METTL15: variants seen among roughly 807,000 people sequenced by gnomAD.
METTL15 encodes 12S rRNA N(4)-cytidine methyltransferase METTL15.
In METTL15, 34 loss-of-function variants were observed where a neutral mutation model predicts 38.3. The ratio of observed to expected loss-of-function variants is 0.89; its 90% CI spans 0.68 to 1.18. METTL15 has a LOEUF of 1.18. METTL15 is among the 50% of genes most tolerant of loss of function. METTL15 has a pLI of 0.00. For missense variants in METTL15, 438 were observed against 498.4 expected, an observed-to-expected ratio of 0.88 and a Z score of 1.15; for synonymous variants, 162 against 170.9, an observed-to-expected ratio of 0.95 and a Z score of 0.41.
At chr11:28,198,949 A>G (rs141135385) in intron 3 of METTL15, among the ~76,000 whole-genome samples, 96 of 151,664 alleles carry the variant, frequency 6.3e-4, no homozygotes, top group African/African-American at 2.2e-3. Context: ...GCAATTACAA[A>G]CATTTCAGGG....
intron 6 of METTL15, among the ~76,000 whole-genome samples, chr11:28,490,671 G>A (rs1851487059): frequency 6.6e-6 from 1 of 152,024 alleles, no homozygotes; most frequent in Non-Finnish European, 1.5e-5. Context: ...TACATTTTGA[G>A]AGGAAAACCT....
intron 4 of METTL15, among the ~76,000 whole-genome samples, chr11:28,248,294 G>C (rs1854596313): frequency 1.3e-5 from 2 of 152,164 alleles, no homozygotes; most frequent in Admixed American, 6.6e-5. Context: ...AGCTCCATCA[G>C]AATTTCCCCT....
At chr11:28,139,780 A>G (rs1429780139) in intron 3 of METTL15, among the ~76,000 whole-genome samples, 3 of 152,154 alleles carry the variant, frequency 2.0e-5, no homozygotes, top group African/African-American at 4.8e-5. Flanking sequence ...ACTCTTGCAT[A>G]GAAAAGCTCC....
At chr11:28,386,754 A>C (rs921203123) in intron 5 of METTL15, among the ~76,000 whole-genome samples, 4 of 152,026 alleles carry the variant, frequency 2.6e-5, no homozygotes, top group African/African-American at 9.7e-5. Flanking sequence ...ATAGCAACAC[A>C]TTGTACATTC....
At chr11:28,328,249 T>C in intron 6 of METTL15, 1 of 1,285,472 alleles carries the variant, frequency 7.8e-7, no homozygotes, top group Non-Finnish European at 1.1e-6. Flanking sequence ...AATCCCCTAG[T>C]GTCTAACATT....
intron 6 of METTL15, among the ~76,000 whole-genome samples, chr11:28,471,850 T>G (rs1469024852): frequency 2.0e-5 from 3 of 152,098 alleles, no homozygotes; most frequent in Non-Finnish European, 2.9e-5. Flanking sequence ...CTGGCTGGAT[T>G]CTATGCTAAT....
At chr11:28,124,791 G>A (rs1420994640) in intron 3 of METTL15, among the ~76,000 whole-genome samples, 1 of 151,964 alleles carries the variant, frequency 6.6e-6, no homozygotes, top group Admixed American at 6.6e-5. Context: ...GCAGAAATAT[G>A]AAAGAATTAA....
At chr11:28,239,996 A>G (rs1229111538) in intron 4 of METTL15, among the ~76,000 whole-genome samples, 5 of 152,154 alleles carry the variant, frequency 3.3e-5, no homozygotes, top group African/African-American at 4.8e-5. Context: ...TCTAATACCT[A>G]TAACAGTTGC....
At chr11:28,176,226 C>A (rs1015366652) in intron 3 of METTL15, among the ~76,000 whole-genome samples, 1 of 152,108 alleles carries the variant, frequency 6.6e-6, no homozygotes, top group South Asian at 2.1e-4. Flanking sequence ...CTCCTGTAAT[C>A]CTGCTGTTAA....
intron 4 of METTL15, among the ~76,000 whole-genome samples, chr11:28,356,574 C>A: frequency 6.6e-6 from 1 of 152,174 alleles, no homozygotes; most frequent in East Asian, 1.9e-4. Flanking sequence ...AGAAAGAAAG[C>A]CAAGCCAGGT....
intron 3 of METTL15, among the ~76,000 whole-genome samples, chr11:28,159,682 G>A (rs1021977185): frequency 6.6e-6 from 1 of 152,152 alleles, no homozygotes; most frequent in Non-Finnish European, 1.5e-5. Context: ...TTTATCATGT[G>A]ACATAAGATT....
rs1590354505 is a variant in METTL15, at chr11:28,383,774, G to A, written c.*358+21738G>A. Among the ~76,000 whole-genome samples, 9 of 152,138 alleles carry A rather than the reference G, an allele frequency of 5.9e-5. No individual in the cohort carries two copies. In the South Asian group the frequency reaches 1.9e-3, roughly 32 times the overall value. On this transcript the variant is annotated intron_variant and NMD_transcript_variant, in intron 5 of 7. Transcript: ENST00000532947. ...ATGTGTATGTCTTCTTTTCAAAAGT[G>A]TCTATTAGTGTCCTTTGACCACTTT...
intron 4 of METTL15, among the ~76,000 whole-genome samples, chr11:28,260,551 G>T (rs541587999): frequency 2.0e-5 from 3 of 152,128 alleles, no homozygotes; most frequent in Non-Finnish European, 4.4e-5. Flanking sequence ...TATGGTAAGT[G>T]ATCAACAACT....
At chr11:28,329,134 G>C (rs1849734809) in intron 6 of METTL15, among the ~76,000 whole-genome samples, 1 of 152,012 alleles carries the variant, frequency 6.6e-6, no homozygotes, top group African/African-American at 2.4e-5. Context: ...GTTTGTTTTT[G>C]TATATGATGT....
rs1178690708 is a variant in METTL15 at position 28,207,073 on chromosome 11, T to C, written c.271-3989T>C. ...CTGCAAACAGGGACAATTTGACTTC[T>C]TCTTTTCCTAATTGAATACCTTTTA... On this transcript the variant is annotated intron_variant, in intron 3 of 6. Transcript: ENST00000407364. 2.8e-5 allele frequency among the ~76,000 whole-genome samples: 4 copies of C among 144,840 alleles called. No homozygotes were observed. In the East Asian group the frequency reaches 9.0e-4, roughly 32 times the overall value.
chr11:28,127,010 T>C (rs1852516794), intron 3 of METTL15, among the ~76,000 whole-genome samples: 1 of 152,092 alleles, frequency 6.6e-6, no homozygotes, highest in African/African-American at 2.4e-5. Flanking sequence ...AAAAGTTCTG[T>C]GCTGGGAAGG....
At chr11:28,375,348 G>A (rs1564911048) in intron 5 of METTL15, among the ~76,000 whole-genome samples, 2 of 151,746 alleles carry the variant, frequency 1.3e-5, no homozygotes, top group African/African-American at 4.8e-5. Context: ...TTCAGAGCCT[G>A]TTATTGGTCT....
chr11:28,128,633 G>A (rs1217930098), intron 3 of METTL15, among the ~76,000 whole-genome samples: 1 of 151,964 alleles, frequency 6.6e-6, no homozygotes, highest in African/African-American at 2.4e-5. Flanking sequence ...GCAATGTTTT[G>A]CGTAAAAGTT....
intron 6 of METTL15, among the ~76,000 whole-genome samples, chr11:28,434,620 G>A (rs1850965326): frequency 6.6e-6 from 1 of 152,164 alleles, no homozygotes; most frequent in Non-Finnish European, 1.5e-5. Flanking sequence ...CTCTACTACT[G>A]AGATGGTAAA....
Sources: allele counts gnomAD v4.1 joint callset (sites outside exome capture counted in the v4.1 genomes callset), GRCh38; gene constraint gnomAD v4.1.1; transcripts MANE v1.5; gene names NCBI Gene and HGNC (gene_info 2026-07-23, HGNC 2026-07-21).